AP2A1: variants seen among roughly 807,000 people sequenced by gnomAD.
The protein encoded by AP2A1 is AP-2 complex subunit alpha-1.
AP2A1 carries 21 observed loss-of-function variants against 107.3 expected under a neutral mutation model. That is an observed-to-expected ratio of 0.20 (90% CI 0.14 to 0.28). The LOEUF is 0.28. Among genes scored for constraint, AP2A1 ranks in the 10% least tolerant of loss-of-function variants. The pLI, the probability that AP2A1 is intolerant of heterozygous loss-of-function variation, is 1.00. For synonymous variants in AP2A1, 602 were observed against 564.8 expected, an observed-to-expected ratio of 1.07 and a Z score of -0.93; for missense variants, 873 against 1,307.7, an observed-to-expected ratio of 0.67 and a Z score of 5.13.
intron 1 of AP2A1, among the ~76,000 whole-genome samples, chr19:49,769,325 A>C: frequency 6.6e-6 from 1 of 152,168 alleles, no homozygotes; most frequent in East Asian, 1.9e-4. Flanking sequence ...GAACATATGC[A>C]CAGGGAACAC....
intron 6 of AP2A1, 39 bp from the exon 7 acceptor site, chr19:49,795,591 A>ACCCCCCCCCC: frequency 3.4e-6 from 1 of 295,770 alleles, no homozygotes. Context: ...TGCCCCTCCC[A>ACCCCCCCCCC]CCCCAGCCCC....
chr19:49,778,844 C>G, intron 1 of AP2A1, among the ~76,000 whole-genome samples: 1 of 151,628 alleles, frequency 6.6e-6, no homozygotes, highest in South Asian at 2.1e-4. Context: ...TGTGTATACT[C>G]TTTATATATA....
chr19:49,801,672 C>T, intron 13 of AP2A1, 50 bp from the exon 14 acceptor site: 2 of 1,527,878 alleles, frequency 1.3e-6, no homozygotes, highest in Non-Finnish European at 1.8e-6. Flanking sequence ...CCCTTCCCGC[C>T]CTCCCCTCCT....
intron 1 of AP2A1, among the ~76,000 whole-genome samples, chr19:49,775,645 T>A (rs1381667674): frequency 6.6e-6 from 1 of 152,094 alleles, no homozygotes; most frequent in East Asian, 1.9e-4. Flanking sequence ...TCAAGTGATC[T>A]GCCTGTCTCA....
At chr19:49,800,304 C>G (rs1162886367) in intron 11 of AP2A1, among the ~76,000 whole-genome samples, 154 bp downstream of exon 11, 3 of 152,224 alleles carry the variant, frequency 2.0e-5, no homozygotes, top group Non-Finnish European at 2.9e-5. Flanking sequence ...TCTGGGCCAA[C>G]CCAGGGGACC....
chr19:49,795,813 AC>A, intron 7 of AP2A1, 75 bp downstream of exon 7: 1 of 1,115,818 alleles, frequency 9.0e-7, no homozygotes, highest in Non-Finnish European at 1.3e-6. Context: ...TCCACGGCGC[AC>A]CAGGTGGGAC....
Position 49,806,829 on chromosome 19 carries a change from T to G in AP2A1, c.*71T>G. 6.2e-7 allele frequency: 1 copy of G among 1,605,234 alleles called. No individual in the cohort carries two copies. The highest frequency in any genetic ancestry group is 8.5e-7 in the Non-Finnish European group (1 of 1,177,042). On this transcript the variant is annotated 3_prime_UTR_variant, in exon 23 of 23. Coordinates refer to ENST00000354293, the MANE Select transcript of AP2A1 (RefSeq NM_130787.3). ...CTTGGACTGAGGCAGTTTTGGTGGA[T>G]GGGGGACCTCCACTGGTGACAGAGA... is the stretch of plus-strand genomic sequence containing the variant.
chr19:49,783,173 A>G (rs1187315350), intron 4 of AP2A1, among the ~76,000 whole-genome samples: 2 of 152,180 alleles, frequency 1.3e-5, no homozygotes, highest in African/African-American at 4.8e-5. Flanking sequence ...GCAGGAGACA[A>G]ATGGTGATGG....
chr19:49,776,214 A>T (rs954338473), intron 1 of AP2A1, among the ~76,000 whole-genome samples: 5 of 148,040 alleles, frequency 3.4e-5, no homozygotes, highest in Non-Finnish European at 7.4e-5. Flanking sequence ...CGCCGCCCGC[A>T]TCCTCAGACT....
intron 4 of AP2A1, 43 bp from the exon 5 acceptor site, chr19:49,791,892 G>A: frequency 6.4e-7 from 1 of 1,561,120 alleles, no homozygotes; most frequent in Non-Finnish European, 8.6e-7. Flanking sequence ...CAGGGCTGGG[G>A]TCACTGACTC....
At chr19:49,786,986 A>C (rs1041141539) in intron 4 of AP2A1, among the ~76,000 whole-genome samples, 3 of 152,082 alleles carry the variant, frequency 2.0e-5, no homozygotes, top group African/African-American at 7.2e-5. Context: ...AAGGAACTTT[A>C]TTTTGTAGGT....
chr19:49,783,523 T>C (rs968989007), intron 4 of AP2A1, among the ~76,000 whole-genome samples: 1 of 152,154 alleles, frequency 6.6e-6, no homozygotes, highest in African/African-American at 2.4e-5. Flanking sequence ...GATACCCGAC[T>C]CATGTTCTCC....
chr19:49,805,161 C>T (rs1321722864), intron 18 of AP2A1: 3 of 379,122 alleles, frequency 7.9e-6, no homozygotes, highest in Admixed American at 4.2e-5. Flanking sequence ...CCCACAGCCA[C>T]TCAGGTGGTT....
At chr19:49,791,068 G>C (rs1418055607) in intron 4 of AP2A1, among the ~76,000 whole-genome samples, 2 of 152,204 alleles carry the variant, frequency 1.3e-5, no homozygotes, top group African/African-American at 4.8e-5. Context: ...CTGCCCCATG[G>C]CTCAGGCCGC....
chr19:49,802,684 T>C (rs2073304907), intron 15 of AP2A1: 2 of 1,312,720 alleles, frequency 1.5e-6, no homozygotes, highest in South Asian at 3.0e-5. Context: ...GGAGCCCTCG[T>C]CAACGGGTTC....
chr19:49,799,258 G>C, intron 8 of AP2A1, 69 bp from the exon 9 acceptor site: 1 of 1,534,122 alleles, frequency 6.5e-7, no homozygotes, highest in Non-Finnish European at 8.8e-7. Context: ...GGGTCAGCTG[G>C]GGCCCGAGTC....
chr19:49,796,924 ACACT>A (rs2073221176), intron 7 of AP2A1: 2 of 152,322 alleles, frequency 1.3e-5, no homozygotes, highest in South Asian at 4.1e-4. Flanking sequence ...GTGTGTGTAC[ACACT>A]CTGAGTATAC....
In AP2A1 at chr19:49,801,045, G is replaced by A; in HGVS notation, c.1540G>A (p.Asp514Asn). ...GGAGTTTGGGAACCTGATTGCTGGG[G>A]ACCCCCGCTCCAGGTGAGGGAGCCT... ...LGEFGNLIAG[D>N]PRSSPPVQFS... Residue 514 changes from aspartate to asparagine, a missense_variant, in exon 12 of 23, where the codon GAC becomes AAC. Asp to Asn is a conservative substitution (Grantham distance 23). Around this residue, in one of 4 missense-constraint regions of AP2A1, gnomAD observed 213 missense variants for 443.5 expected, o/e 0.48. Coordinates refer to ENST00000354293, the MANE Select transcript of AP2A1 (RefSeq NM_130787.3). The A allele has an allele frequency of 6.2e-7, 1 of 1,605,906 alleles. No individual in the cohort carries two copies. The highest frequency in any genetic ancestry group is 1.7e-5 in the Admixed American group (1 of 58,852).
intron 4 of AP2A1, among the ~76,000 whole-genome samples, chr19:49,789,002 C>T (rs552705917): frequency 8.5e-5 from 13 of 152,300 alleles, no homozygotes; most frequent in African/African-American, 2.6e-4. Flanking sequence ...CTGCAGCACA[C>T]GAGGGTTCCC....
Sources: gnomAD v4.1 joint callset for allele counts (sites outside exome capture counted in the v4.1 genomes callset) on GRCh38, gnomAD v4.1.1 for gene constraint, gnomAD v4.1.1 regional missense constraint, MANE v1.5 for transcripts, NCBI Gene and HGNC (gene_info 2026-07-23, HGNC 2026-07-21) for gene names.